GPR153: variants seen among roughly 807,000 people sequenced by gnomAD.
The protein encoded by GPR153 is G protein-coupled receptor 153.
In GPR153, 27 loss-of-function variants were observed where a neutral mutation model predicts 34.1. The observed-to-expected ratio is 0.79, with a 90% CI of 0.58 to 1.09. The LOEUF is 1.09. Ranked by LOEUF, GPR153 falls within the 50% of genes least tolerant of loss-of-function variation. The pLI is 0.00. For synonymous variants in GPR153, 408 were observed against 405.4 expected (o/e 1.01, Z -0.08); for missense variants, 848 against 860.2 (o/e 0.99, Z 0.18).
In GPR153 at chr1:6,251,365, T is replaced by A. The variant is rs777755814; in HGVS notation, c.952A>T (p.Met318Leu). 2.5e-6 allele frequency: 4 copies of A among 1,610,602 alleles called. No individual in the cohort carries two copies. ...TCGTCTGACTCCTCGTCGTTGGCCA[T>A]GAGGGCCATGCACTTCTCCCGGACA... ...KAVREKCMAL[M>L]ANDEESDDET... The change falls in exon 4 of 6, where the codon ATG (methionine) becomes TTG (leucine). Residue 318 changes from methionine to leucine, a missense_variant. By Grantham distance (15) the Met-to-Leu change is conservative (BLOSUM62 2). Transcript: ENST00000377893. The surrounding 1 kb of genome is among the most constrained non-coding windows in gnomAD (Gnocchi z 4.9).
chr1:6,251,611 G>T lies in GPR153; in HGVS notation c.787-81C>A. 4 of 1,398,642 alleles carry T rather than the reference G, an allele frequency of 2.9e-6. No individual in the cohort carries two copies. The highest frequency in any genetic ancestry group is 3.8e-6 in the Non-Finnish European group (4 of 1,055,078). 86.6% of individuals were successfully genotyped at this position (1,398,642 alleles called of 1,614,324 possible). A position where few individuals can be genotyped will look rare whatever the true frequency, so the allele number is the denominator to read the frequency against. ...TCCCCCTGAGTCTCGGTCTCCCCAT[G>T]TGTACGGCAGGTCTGACAGGTGGGT... On this transcript the variant is annotated intron_variant, in intron 3 of 5. Transcript: ENST00000377893. This position sits in a 1 kb window ranked among gnomAD's most constrained non-coding sequence, Gnocchi z 4.9.
In GPR153 at chr1:6,251,842, C is replaced by T. The variant is rs1638456078; in HGVS notation, c.787-312G>A. ...AGACAGTCTCATTCTGTCACCCAGGCTGGAGTGCAGTGGCTCAATCATGGC... is the reference window on the plus strand; with the variant it reads ...AGACAGTCTCATTCTGTCACCCAGGTTGGAGTGCAGTGGCTCAATCATGGC... On this transcript the variant is annotated intron_variant, in intron 3 of 5. Transcript: ENST00000377893. This position sits in a 1 kb window ranked among gnomAD's most constrained non-coding sequence, Gnocchi z 4.9. 6.6e-6 allele frequency among the ~76,000 whole-genome samples: 1 copy of T among 152,214 alleles called. No homozygotes were observed. The highest frequency in any genetic ancestry group is 1.5e-5 in the Non-Finnish European group (1 of 68,040).
chr1:6,249,314 G>T lies in GPR153; in HGVS notation c.*24C>A. ...CGGAGAGCGGCCTGGCCTGCCTGGC[G>T]TCCGTGGGGAGGCGCCGGCGGTCCT... On this transcript the variant is annotated 3_prime_UTR_variant, in exon 6 of 6. Coordinates refer to ENST00000377893, the MANE Select transcript of GPR153 (RefSeq NM_207370.4). The surrounding 1 kb of genome is among the most constrained non-coding windows in gnomAD (Gnocchi z 4.3). 1 of 1,256,950 alleles carries T rather than the reference G, an allele frequency of 8.0e-7. No homozygotes were observed. Among genetic ancestry groups the T allele is most frequent in the Non-Finnish European group, 1.0e-6 (1 of 1,001,376 alleles). The allele number at this position is 1,256,950 out of a possible 1,614,324, so 77.9% of individuals were successfully genotyped here.
chr1:6,249,728 G>C lies in GPR153; in HGVS notation c.1440C>G (p.Pro480=). The C allele has an allele frequency of 9.5e-7, 1 of 1,051,596 alleles. No homozygotes were observed. Among genetic ancestry groups the C allele is most frequent in the Non-Finnish European group, 1.1e-6 (1 of 874,792 alleles). 65.1% of individuals were successfully genotyped at this position (1,051,596 alleles called of 1,614,324 possible). A position where few individuals can be genotyped will look rare whatever the true frequency, so the allele number is the denominator to read the frequency against. Residue 480 remains proline, a synonymous_variant, in exon 6 of 6, where the codon CCC becomes CCG. Coordinates refer to ENST00000377893, the MANE Select transcript of GPR153 (RefSeq NM_207370.4). This position sits in a 1 kb window ranked among gnomAD's most constrained non-coding sequence, Gnocchi z 4.3. ...SGPRGARDSP[P]GSPRRRPGPG... is the part of the protein sequence containing the mutation. ...GCCCGGGGCGGCGGCGCGGGCTGCC[G>C]GGGGGCGAGTCGCGGGCTCCCCGCG...
chr1:6,257,060 T>C (rs1426973218), intron 1 of GPR153, among the ~76,000 whole-genome samples: 3 of 152,164 alleles, frequency 2.0e-5, no homozygotes, highest in African/African-American at 7.2e-5. Context: ...ATATCTGGGC[T>C]CCCTTCCAGG....
In GPR153 at chr1:6,251,262, C is replaced by A; in HGVS notation, c.979+76G>T. ...TCACCTCCTTAGTGGCGTTGCCTGACAGCCGTTTTCCTGCCAACCCCAATG... is the reference window on the plus strand; with the variant it reads ...TCACCTCCTTAGTGGCGTTGCCTGAAAGCCGTTTTCCTGCCAACCCCAATG... On this transcript the variant is annotated intron_variant, in intron 4 of 5. Transcript: ENST00000377893. This position sits in a 1 kb window ranked among gnomAD's most constrained non-coding sequence, Gnocchi z 4.9. 1.7e-6 allele frequency: 2 copies of A among 1,190,794 alleles called. No individual in the cohort carries two copies. Among genetic ancestry groups the A allele is most frequent in the Non-Finnish European group, 2.4e-6 (2 of 837,028 alleles). 73.8% of individuals were successfully genotyped at this position (1,190,794 alleles called of 1,614,324 possible). A position where few individuals can be genotyped will look rare whatever the true frequency, so the allele number is the denominator to read the frequency against.
chr1:6,249,008 C>T lies in GPR153; in HGVS notation c.*330G>A, dbSNP rs1638365904. The T allele has an allele frequency of 8.7e-6, 2 of 228,720 alleles. No individual in the cohort carries two copies. Among genetic ancestry groups the T allele is most frequent in the South Asian group, 1.8e-4 (1 of 5,564 alleles). 14.2% of individuals were successfully genotyped at this position (228,720 alleles called of 1,614,324 possible). A position where few individuals can be genotyped will look rare whatever the true frequency, so the allele number is the denominator to read the frequency against. ...GTCTCAGGTTCCCTGCTCCCGACGTCCTGTTGCGCAGGGCTGGTGATGGCG... is the reference window on the plus strand; with the variant it reads ...GTCTCAGGTTCCCTGCTCCCGACGTTCTGTTGCGCAGGGCTGGTGATGGCG... On this transcript the variant is annotated 3_prime_UTR_variant, in exon 6 of 6. Transcript: ENST00000377893. The surrounding 1 kb of genome is among the most constrained non-coding windows in gnomAD (Gnocchi z 4.3).
rs562165849 is a variant in GPR153 at position 6,251,082 on chromosome 1, C to G, written c.979+256G>C. ...TCCGCTGGAGCACTTGCAGACATGT[C>G]TACCCTGCTCTCTGTTAACCAGAAC... On this transcript the variant is annotated intron_variant, in intron 4 of 5. Coordinates refer to ENST00000377893, the MANE Select transcript of GPR153 (RefSeq NM_207370.4). The surrounding 1 kb of genome is among the most constrained non-coding windows in gnomAD (Gnocchi z 4.9). Among the ~76,000 whole-genome samples the G allele has an allele frequency of 2.0e-5, 3 of 152,298 alleles. No homozygotes were observed. Among genetic ancestry groups the G allele is most frequent in the African/African-American group, 7.2e-5 (3 of 41,562 alleles).
In GPR153 at chr1:6,250,620, G is replaced by C; in HGVS notation, c.984C>G (p.Thr328=). 2 of 737,848 alleles carry C rather than the reference G, an allele frequency of 2.7e-6. No individual in the cohort carries two copies. Among genetic ancestry groups the C allele is most frequent in the East Asian group, 7.9e-5 (1 of 12,636 alleles). 45.7% of individuals were successfully genotyped at this position (737,848 alleles called of 1,614,324 possible). Residue 328 remains threonine (T), a synonymous_variant, in exon 5 of 6, where the codon ACC becomes ACG. Transcript: ENST00000377893. ...MANDEESDDE[T]SLEGGISPDL... The stretch of plus-strand genomic sequence containing the variant: ...CCGGGGAGATGCCACCTTCCAGGCT[G>C]GTCTCTGTAGGGTGGGGGGTGGGTG...
intron 1 of GPR153, 51 bp from the exon 2 acceptor site, chr1:6,255,065 G>C (rs74049515): frequency 1.8e-6 from 1 of 543,536 alleles, no homozygotes; most frequent in Non-Finnish European, 3.2e-6. Context: ...TGGCGACAGC[G>C]TTGTAGCCCT....
rs1638450865 is a variant in GPR153, at chr1:6,251,569, C to G, written c.787-39G>C. 6.6e-7 allele frequency: 1 copy of G among 1,520,850 alleles called. No individual in the cohort carries two copies. Among genetic ancestry groups the G allele is most frequent in the African/African-American group, 1.4e-5 (1 of 72,978 alleles). 94.2% of individuals were successfully genotyped at this position (1,520,850 alleles called of 1,614,324 possible). Reference sequence around the variant, plus strand: ...GCTCGGCCTGGCACCTGCAGGACCCCCCACCATCACACAAGCTCCCCCTGA... The same window carrying G: ...GCTCGGCCTGGCACCTGCAGGACCCGCCACCATCACACAAGCTCCCCCTGA... On this transcript the variant is annotated intron_variant, in intron 3 of 5. Transcript: ENST00000377893. The surrounding 1 kb of genome is among the most constrained non-coding windows in gnomAD (Gnocchi z 4.9).
intron 2 of GPR153, 109 bp from the exon 3 acceptor site, chr1:6,254,256 A>G: frequency 6.1e-6 from 6 of 989,892 alleles, no homozygotes; most frequent in Non-Finnish European, 9.1e-6. Context: ...CCACACCCCC[A>G]GTATATCATA....
chr1:6,255,841 A>G (rs1638559327), intron 1 of GPR153, among the ~76,000 whole-genome samples: 1 of 151,518 alleles, frequency 6.6e-6, no homozygotes, highest in South Asian at 2.1e-4. Flanking sequence ...TTTAGTAGAG[A>G]TGGGGTTTCA....
In GPR153 at chr1:6,260,384, C is replaced by CG. The variant is rs1302288906; in HGVS notation, c.-110+440_-110+441insC. The stretch of plus-strand genomic sequence containing the variant: ...ACCCCCTGGGGCTCCGATCCCCCCC[C>CG]CCCCCCGCAATCCCCGCTCCGACTC... On this transcript the variant is annotated intron_variant, in intron 1 of 5. Coordinates refer to ENST00000377893, the MANE Select transcript of GPR153 (RefSeq NM_207370.4). 2.3e-4 allele frequency among the ~76,000 whole-genome samples: 15 copies of CG among 64,116 alleles called. 1 individual carries two copies. Among genetic ancestry groups the CG allele is most frequent in the African/African-American group, 3.5e-4 (6 of 17,126 alleles). 42.1% of individuals were successfully genotyped at this position (64,116 alleles called of 152,430 possible). A position where few individuals can be genotyped will look rare whatever the true frequency, so the allele number is the denominator to read the frequency against.
chr1:6,249,650 G>C lies in GPR153; in HGVS notation c.1518C>G (p.Thr506=). 1.8e-6 allele frequency: 2 copies of C among 1,089,032 alleles called. No homozygotes were observed. The highest frequency in any genetic ancestry group is 2.2e-6 in the Non-Finnish European group (2 of 898,166). The allele number at this position is 1,089,032 out of a possible 1,614,324, so 67.5% of individuals were successfully genotyped here. A position where few individuals can be genotyped will look rare whatever the true frequency, so the allele number is the denominator to read the frequency against. ...GGGCCTGTGGCTCGCACTCGAAGGC[G>C]GTCAGGGCGAAGGCGTCGGGCAGCA... The part of the protein sequence containing the change: ...ASLLPDAFAL[T]AFECEPQALR... Residue 506 remains threonine, a synonymous_variant, in exon 6 of 6, where the codon ACC becomes ACG. Coordinates refer to ENST00000377893, the MANE Select transcript of GPR153 (RefSeq NM_207370.4). The surrounding 1 kb of genome is among the most constrained non-coding windows in gnomAD (Gnocchi z 4.3).
intron 1 of GPR153, among the ~76,000 whole-genome samples, chr1:6,256,768 C>T (rs1416910417): frequency 2.0e-5 from 3 of 152,200 alleles, no homozygotes; most frequent in African/African-American, 7.2e-5. Context: ...TCCTGAGTAG[C>T]TGGGATTACA....
chr1:6,250,509 G>A lies in GPR153; in HGVS notation c.1095C>T (p.Ala365=), dbSNP rs1425498685. 3 of 1,609,926 alleles carry A rather than the reference G, an allele frequency of 1.9e-6. No homozygotes were observed. Among genetic ancestry groups the A allele is most frequent in the African/African-American group, 1.3e-5 (1 of 74,862 alleles). Reference sequence around the variant, plus strand: ...AGAGCTGGGGCAGGCCCCCCTCCAGGGCGGAGATCTCATACTTGGCCATCC... The same window carrying A: ...AGAGCTGGGGCAGGCCCCCCTCCAGAGCGGAGATCTCATACTTGGCCATCC... ...LDRMAKYEIS[A]LEGGLPQLYP... is the part of the protein sequence containing the mutation. Residue 365 remains alanine (A), a synonymous_variant, in exon 5 of 6, where the codon GCC becomes GCT. Coordinates refer to ENST00000377893, the MANE Select transcript of GPR153 (RefSeq NM_207370.4).
At position 6,249,413 on chromosome 1, in the gene GPR153, G is replaced by A. The variant is rs534856860; in HGVS notation, c.1755C>T (p.Ser585=). 76 of 1,377,758 alleles carry A rather than the reference G, an allele frequency of 5.5e-5. No individual in the cohort carries two copies. In the African/African-American group the frequency reaches 5.6e-4, roughly 10 times the overall value. 85.3% of individuals were successfully genotyped at this position (1,377,758 alleles called of 1,614,324 possible). The change falls in exon 6 of 6, where the codon AGC becomes AGT. Residue 585 remains serine (S), a synonymous_variant. Transcript: ENST00000377893. The surrounding 1 kb of genome is among the most constrained non-coding windows in gnomAD (Gnocchi z 4.3). ...LRAAGGGGST[S]SFLSSPSESS... ...ACTCGGAGGGGGAACTCAGGAAGCT[G>A]CTGGTGCTGCCGCCGCCGCCCGCCG...
At chr1:6,250,118 G>A in intron 5 of GPR153, 115 bp from the exon 6 acceptor site, 2 of 1,313,592 alleles carry the variant, frequency 1.5e-6, no homozygotes, top group Non-Finnish European at 1.9e-6. Flanking sequence ...TGCGCGCTGG[G>A]GCAGTCTGGC....
Sources: allele counts gnomAD v4.1 joint callset (sites outside exome capture counted in the v4.1 genomes callset), GRCh38; gene constraint gnomAD v4.1.1; non-coding constraint Gnocchi (gnomAD v3.1); transcripts MANE v1.5; gene names NCBI Gene and HGNC (gene_info 2026-07-23, HGNC 2026-07-21).